The following NOS1 variants were observed in gnomAD, a reference collection of about 807,000 sequenced individuals.
NOS1 encodes nitric oxide synthase 1, also known as NOS type I.
A neutral mutation model predicts 164.5 loss-of-function variants in NOS1; 51 were observed. That is an observed-to-expected ratio of 0.31 (90% CI 0.25 to 0.39). NOS1 has a LOEUF of 0.39. Among genes scored for constraint, NOS1 ranks in the 10% least tolerant of loss-of-function variants. The probability of loss-of-function intolerance (pLI) is 1.00; values close to 1 mark genes in which losing one functional copy is unlikely to be tolerated. For synonymous variants in NOS1, 719 were observed against 745.8 expected (o/e 0.96, Z 0.59); for missense variants, 1,362 against 1,885.6 (o/e 0.72, Z 5.14).
chr12:117,209,929 C>T lies in NOS1; in HGVS notation c.*5380G>A, dbSNP rs1050928858. On this transcript the variant is annotated 3_prime_UTR_variant, in exon 29 of 29. Coordinates refer to ENST00000317775, the MANE Select transcript of NOS1 (RefSeq NM_000620.5). ...TCCCTGGGAGGCAGGCCCCTTCCCT[C>T]AGACCCTCAGACCTGTGTTTCCTTA... 5.1e-6 allele frequency: 5 copies of T among 985,394 alleles called. No individual in the cohort carries two copies. The African/African-American group carries it at 8.7e-5, about 17-fold the overall frequency. The allele number at this position is 985,394 out of a possible 1,614,324, so 61.0% of individuals were successfully genotyped here.
chr12:117,242,576 G>T, intron 20 of NOS1, 51 bp downstream of exon 20: 1 of 1,445,340 alleles, frequency 6.9e-7, no homozygotes, highest in Non-Finnish European at 9.7e-7. Context: ...TTCATCGTGG[G>T]TGGCATTTGG....
chr12:117,220,327 C>A (rs925588549), intron 26 of NOS1, 58 bp from the exon 27 acceptor site: 1 of 1,490,714 alleles, frequency 6.7e-7, no homozygotes, highest in Non-Finnish European at 9.0e-7. Flanking sequence ...CCTGCCATAG[C>A]CCATGTCTGC....
At position 117,209,371 on chromosome 12, in the gene NOS1, C is replaced by T. The variant is rs1183871275; in HGVS notation, c.*5938G>A. ...GACGGCCCCCACAAGAAAGAATTACCCAGCCCCAAATGCCAATAGTGCTAA... is the reference window on the plus strand; with the variant it reads ...GACGGCCCCCACAAGAAAGAATTACTCAGCCCCAAATGCCAATAGTGCTAA... On this transcript the variant is annotated 3_prime_UTR_variant, in exon 29 of 29. Transcript: ENST00000317775. 1.0e-6 allele frequency: 1 copy of T among 983,726 alleles called. No homozygotes were observed. Among genetic ancestry groups the T allele is most frequent in the Non-Finnish European group, 1.2e-6 (1 of 828,368 alleles). 60.9% of individuals were successfully genotyped at this position (983,726 alleles called of 1,614,324 possible). A position where few individuals can be genotyped will look rare whatever the true frequency, so the allele number is the denominator to read the frequency against.
At chr12:117,250,802 G>A (rs1871039994) in intron 17 of NOS1, among the ~76,000 whole-genome samples, 1 of 152,182 alleles carries the variant, frequency 6.6e-6, no homozygotes, top group African/African-American at 2.4e-5. Context: ...GCCCAGTGCA[G>A]ATCTGGGAAC....
intron 2 of NOS1, among the ~76,000 whole-genome samples, chr12:117,320,102 C>T (rs976997879): frequency 6.6e-6 from 1 of 152,150 alleles, no homozygotes; most frequent in African/African-American, 2.4e-5. Context: ...AGCCCAGGGC[C>T]GGGCCACAGC....
At chr12:117,221,041 CCA>C (rs1029409180) in intron 26 of NOS1, among the ~76,000 whole-genome samples, 1 of 152,150 alleles carries the variant, frequency 6.6e-6, no homozygotes, top group African/African-American at 2.4e-5. Context: ...CCTGGGACCC[CCA>C]GACCTCCCCA....
At chr12:117,230,091 A>AT (rs913346661) in intron 22 of NOS1, among the ~76,000 whole-genome samples, 7 of 151,664 alleles carry the variant, frequency 4.6e-5, no homozygotes, top group Non-Finnish European at 8.8e-5. Flanking sequence ...AGCTAATTTA[A>AT]TTTTTTTGTA....
At chr12:117,341,678 C>T (rs1876119140) in intron 1 of NOS1, among the ~76,000 whole-genome samples, 1 of 152,156 alleles carries the variant, frequency 6.6e-6, no homozygotes, top group Non-Finnish European at 1.5e-5. Flanking sequence ...TACATACCTG[C>T]CCCATTGCTG....
At position 117,209,625 on chromosome 12, in the gene NOS1, A is replaced by G. The variant is rs1340173047; in HGVS notation, c.*5684T>C. ...ATTTTAGAACAAAACAAACTCATAT[A>G]AACATACTAAGGCATATTGACAGCT... On this transcript the variant is annotated 3_prime_UTR_variant, in exon 29 of 29. Coordinates refer to ENST00000317775, the MANE Select transcript of NOS1 (RefSeq NM_000620.5). 1.1e-5 allele frequency: 11 copies of G among 985,382 alleles called. No individual in the cohort carries two copies. The highest frequency in any genetic ancestry group is 1.7e-5 in the African/African-American group (1 of 57,262). 61.0% of individuals were successfully genotyped at this position (985,382 alleles called of 1,614,324 possible).
intron 12 of NOS1, among the ~76,000 whole-genome samples, chr12:117,264,787 T>G (rs892917814): frequency 2.0e-5 from 3 of 151,490 alleles, no homozygotes; most frequent in Non-Finnish European, 4.4e-5. Flanking sequence ...TGGCTTGATA[T>G]CGGCTCACTG....
chr12:117,322,749 ACTTC>A (rs1207363244), intron 2 of NOS1, among the ~76,000 whole-genome samples: 1 of 30,660 alleles, frequency 3.3e-5, no homozygotes, highest in Admixed American at 3.3e-4. Flanking sequence ...TTCCCTCCCC[ACTTC>A]CTTCCCTCCT....
chr12:117,316,566 C>T (rs961269036), intron 2 of NOS1, among the ~76,000 whole-genome samples: 9 of 152,168 alleles, frequency 5.9e-5, no homozygotes, highest in African/African-American at 1.7e-4. Flanking sequence ...AGCACATAAT[C>T]GGCACTAACT....
Position 117,283,060 on chromosome 12 carries a change from T to A in NOS1, c.1382+2181A>T, listed in dbSNP as rs1211565276. On this transcript the variant is annotated intron_variant, in intron 7 of 28. Coordinates refer to ENST00000317775, the MANE Select transcript of NOS1 (RefSeq NM_000620.5). Reference sequence around the variant, plus strand: ...ATTATATATATATATATATATATTTTTTTTTTTTTTTTTGAGACAGTCTCA... The same window carrying A: ...ATTATATATATATATATATATATTTATTTTTTTTTTTTTGAGACAGTCTCA... Among the ~76,000 whole-genome samples the A allele has an allele frequency of 8.1e-3, 880 of 108,526 alleles. 3 individuals carry two copies. Among genetic ancestry groups the A allele is most frequent in the African/African-American group, 0.024 (563 of 23,162 alleles). 71.2% of individuals were successfully genotyped at this position (108,526 alleles called of 152,430 possible).
Position 117,227,450 on chromosome 12 carries a change from GATGGCCACA to G in NOS1, c.3588_3596del (p.Ala1198_Val1200del), listed in dbSNP as rs1868801322. ...GCCCACCTCGAGTGCGGTAGGAAAC[GATGGCCACA>G]GTGAGGTGCACTTCATCAGGGTACA... On this transcript the variant is annotated inframe_deletion, in exon 23 of 29. Transcript: ENST00000317775. 6.2e-7 allele frequency: 1 copy of G among 1,613,742 alleles called. No individual in the cohort carries two copies. The highest frequency in any genetic ancestry group is 1.3e-5 in the African/African-American group (1 of 74,932).
intron 3 of NOS1, among the ~76,000 whole-genome samples, chr12:117,292,413 G>T (rs1223187960): frequency 6.6e-6 from 1 of 152,156 alleles, no homozygotes; most frequent in Non-Finnish European, 1.5e-5. Flanking sequence ...AGGAGGCAGG[G>T]CACTCATCTC....
intron 1 of NOS1, among the ~76,000 whole-genome samples, chr12:117,334,558 G>A (rs1392338316): frequency 6.6e-6 from 1 of 152,128 alleles, no homozygotes; most frequent in Non-Finnish European, 1.5e-5. Context: ...ACCACACCTG[G>A]CTAATTTTGT....
At chr12:117,351,620 A>C (rs1404936660) in intron 1 of NOS1, among the ~76,000 whole-genome samples, 2 of 152,236 alleles carry the variant, frequency 1.3e-5, no homozygotes, top group African/African-American at 4.8e-5. Context: ...AGGGCATGAC[A>C]TGTCTAAGCC....
intron 2 of NOS1, 117 bp from the exon 3 acceptor site, chr12:117,311,709 T>C (rs998951360): frequency 5.3e-6 from 6 of 1,137,832 alleles, no homozygotes; most frequent in South Asian, 2.1e-5. Flanking sequence ...CATAACTCCA[T>C]ATGAGCCAGC....
intron 27 of NOS1, among the ~76,000 whole-genome samples, chr12:117,219,833 G>A (rs900414074): frequency 2.0e-5 from 3 of 152,088 alleles, no homozygotes; most frequent in Non-Finnish European, 2.9e-5. Flanking sequence ...CCACTCACTC[G>A]TTATTTTCAC....
Sources: allele counts gnomAD v4.1 joint callset (sites outside exome capture counted in the v4.1 genomes callset), GRCh38; gene constraint gnomAD v4.1.1; transcripts MANE v1.5; gene names NCBI Gene and HGNC (gene_info 2026-07-23, HGNC 2026-07-21).